PCDHA10: variants seen among roughly 807,000 people sequenced by gnomAD.
PCDHA10 encodes protocadherin alpha 10, also known as protocadherin alpha-10.
PCDHA10 carries 45 observed loss-of-function variants against 61.2 expected under a neutral mutation model. That is an observed-to-expected ratio of 0.74 (90% CI 0.58 to 0.94). The LOEUF is 0.94. PCDHA10 is among the 40% of genes least tolerant of loss of function. The probability of loss-of-function intolerance (pLI) is 0.00; values close to 1 mark genes in which losing one functional copy is unlikely to be tolerated. For missense variants in PCDHA10, 1,278 were observed against 1,236.2 expected, an observed-to-expected ratio of 1.03 and a Z score of -0.51; for synonymous variants, 602 against 548.8, an observed-to-expected ratio of 1.10 and a Z score of -1.35.
rs1417352469 is a variant in PCDHA10 at position 140,875,131 on chromosome 5, G to A, written c.2388+16695G>A. ...AATATCATGTATATTAACTAAACCC[G>A]CATTTATAAATGATCCGTGAAAAAT... On this transcript the variant is annotated intron_variant, in intron 1 of 3. Coordinates refer to ENST00000307360, the MANE Select transcript of PCDHA10 (RefSeq NM_018901.4). Among the ~76,000 whole-genome samples, 5 of 152,228 alleles carry A rather than the reference G, an allele frequency of 3.3e-5. No individual in the cohort carries two copies. The East Asian group carries it at 9.6e-4, about 29-fold the overall frequency.
chr5:140,968,818 T>A, intron 1 of PCDHA10: 1 of 1,614,188 alleles, frequency 6.2e-7, no homozygotes, highest in South Asian at 1.1e-5. Context: ...TGGATAGGGT[T>A]TCCAAAATCC....
intron 3 of PCDHA10, among the ~76,000 whole-genome samples, chr5:141,003,288 T>C (rs2098118136): frequency 2.0e-5 from 3 of 152,182 alleles, no homozygotes; most frequent in African/African-American, 7.2e-5. Context: ...AATTGGATTA[T>C]AGGATTACAT....
At chr5:140,992,605 A>C (rs2097521923) in intron 3 of PCDHA10, among the ~76,000 whole-genome samples, 1 of 152,166 alleles carries the variant, frequency 6.6e-6, no homozygotes, top group South Asian at 2.1e-4. Flanking sequence ...TCTGTGTCTA[A>C]GTGAAAGCAG....
In PCDHA10 at chr5:140,857,430, T is replaced by A; in HGVS notation, c.1382T>A (p.Val461Glu). ...APAFAQSEYT[V>E]FVKENNPPGC... is the part of the protein sequence containing the mutation. The stretch of plus-strand genomic sequence containing the variant: ...GCGTTCGCGCAGTCCGAGTACACGG[T>A]GTTCGTGAAGGAGAACAACCCGCCA... Residue 461 changes from valine to glutamate, a missense_variant, in exon 1 of 4, where the codon GTG becomes GAG. Val to Glu is a moderately radical substitution (Grantham distance 121). Transcript: ENST00000307360. 2 of 1,598,338 alleles carry A rather than the reference T, an allele frequency of 1.3e-6. No individual in the cohort carries two copies. Among genetic ancestry groups the A allele is most frequent in the African/African-American group, 2.7e-5 (2 of 74,440 alleles).
At chr5:140,867,366 T>C (rs1478062885) in intron 1 of PCDHA10, 2 of 152,156 alleles carry the variant, frequency 1.3e-5, no homozygotes, top group African/African-American at 4.8e-5. Flanking sequence ...ATTTTACAGA[T>C]GCGTAATGGA....
chr5:140,981,944 G>A (rs893119825), intron 2 of PCDHA10, among the ~76,000 whole-genome samples: 2 of 152,174 alleles, frequency 1.3e-5, no homozygotes, highest in Non-Finnish European at 2.9e-5. Flanking sequence ...GAAATATAGG[G>A]TGGGTCATCT....
chr5:140,858,481 T>C (rs782180300), intron 1 of PCDHA10, 45 bp downstream of exon 1: 5 of 1,507,736 alleles, frequency 3.3e-6, no homozygotes, highest in Non-Finnish European at 4.5e-6. Flanking sequence ...TTATGAATAA[T>C]ATTTTCTCTT....
chr5:140,884,423 AC>A, intron 1 of PCDHA10: 3 of 1,613,932 alleles, frequency 1.9e-6, no homozygotes, highest in Non-Finnish European at 2.5e-6. Flanking sequence ...GCTGCTGTAT[AC>A]TGCGCTGCGG....
intron 1 of PCDHA10, among the ~76,000 whole-genome samples, chr5:140,934,801 A>G (rs1470129792): frequency 1.3e-5 from 2 of 152,194 alleles, no homozygotes; most frequent in Non-Finnish European, 2.9e-5. Flanking sequence ...TATCTTTTTA[A>G]TGATCAAATT....
chr5:140,968,121 T>C (rs1554230356), intron 1 of PCDHA10: 2 of 1,614,180 alleles, frequency 1.2e-6, no homozygotes, highest in Non-Finnish European at 1.7e-6. Flanking sequence ...CTCACATCCC[T>C]GCGTACACTG....
At position 140,857,724 on chromosome 5, in the gene PCDHA10, A is replaced by C; in HGVS notation, c.1676A>C (p.Asp559Ala). 1 of 1,597,434 alleles carries C rather than the reference A, an allele frequency of 6.3e-7. No homozygotes were observed. ...CAGGTGTTCGTGCTGGACGAGAACG[A>C]CAACGCTCCCGCGCTGCTGGCGTCT... ...TLQVFVLDEN[D>A]NAPALLASPA... is the part of the protein sequence containing the mutation. Residue 559 changes from aspartate to alanine, a missense_variant, in exon 1 of 4, where the codon GAC becomes GCC. Coordinates refer to ENST00000307360, the MANE Select transcript of PCDHA10 (RefSeq NM_018901.4).
chr5:140,958,775 A>C (rs1179723793), intron 1 of PCDHA10, among the ~76,000 whole-genome samples: 1 of 152,170 alleles, frequency 6.6e-6, no homozygotes, highest in African/African-American at 2.4e-5. Flanking sequence ...GTTTGAAATC[A>C]ACTTTCTATT....
In PCDHA10 at chr5:140,858,025, G is replaced by C. The variant is rs992119806; in HGVS notation, c.1977G>C (p.Thr659=). 1.9e-6 allele frequency: 3 copies of C among 1,596,952 alleles called. No individual in the cohort carries two copies. Among genetic ancestry groups the C allele is most frequent in the Non-Finnish European group, 2.6e-6 (3 of 1,167,172 alleles). The change falls in exon 1 of 4, where the codon ACG becomes ACC. Residue 659 remains threonine, a synonymous_variant. Coordinates refer to ENST00000307360, the MANE Select transcript of PCDHA10 (RefSeq NM_018901.4). ...AGGACCATGGCGAGCCGTCGCTGAC[G>C]GCCACGGCCACTGTGCTTGTGTCGC... ...LVKDHGEPSL[T]ATATVLVSLV... is the part of the protein sequence containing the mutation.
intron 1 of PCDHA10, among the ~76,000 whole-genome samples, chr5:140,964,342 C>T (rs2095825714): frequency 6.6e-6 from 1 of 152,184 alleles, no homozygotes; most frequent in Non-Finnish European, 1.5e-5. Context: ...TGGCAGGTGT[C>T]CTTGCTGGAA....
intron 1 of PCDHA10, chr5:140,882,591 T>C (rs781883775): frequency 1.2e-6 from 2 of 1,614,116 alleles, no homozygotes; most frequent in South Asian, 2.2e-5. Flanking sequence ...CACCTGGAGG[T>C]GATCGTGGAC....
rs546348432 is a variant in PCDHA10, at chr5:141,012,203, T to G, written c.*2266T>G. ...TTATAATGTATCTGTACAGCACTTTTTACATTTGCGAAGTGCTTTCCAATC... is the reference window on the plus strand; with the variant it reads ...TTATAATGTATCTGTACAGCACTTTGTACATTTGCGAAGTGCTTTCCAATC... On this transcript the variant is annotated 3_prime_UTR_variant, in exon 4 of 4. Transcript: ENST00000307360. 2.0e-5 allele frequency: 3 copies of G among 153,792 alleles called. No individual in the cohort carries two copies. The highest frequency in any genetic ancestry group is 4.4e-5 in the Non-Finnish European group (3 of 68,050). The allele number at this position is 153,792 out of a possible 1,614,324, so 9.5% of individuals were successfully genotyped here.
At chr5:140,859,508 T>A (rs1298997050) in intron 1 of PCDHA10, 1 of 197,594 alleles carries the variant, frequency 5.1e-6, no homozygotes, top group Non-Finnish European at 1.0e-5. Flanking sequence ...CTGATACCCA[T>A]GATTTCATTT....
At position 141,012,023 on chromosome 5, in the gene PCDHA10, C is replaced by T. The variant is rs1174206729; in HGVS notation, c.*2086C>T. On this transcript the variant is annotated 3_prime_UTR_variant, in exon 4 of 4. Coordinates refer to ENST00000307360, the MANE Select transcript of PCDHA10 (RefSeq NM_018901.4). ...TATTTTGAAGGGTGTGTAACTTCAGCTCTGCAGGATTGCATGGGGTAAAAC... is the reference window on the plus strand; with the variant it reads ...TATTTTGAAGGGTGTGTAACTTCAGTTCTGCAGGATTGCATGGGGTAAAAC... The T allele has an allele frequency of 6.5e-6, 1 of 153,700 alleles. No individual in the cohort carries two copies. The highest frequency in any genetic ancestry group is 1.5e-5 in the Non-Finnish European group (1 of 68,026). The allele number at this position is 153,700 out of a possible 1,614,324, so 9.5% of individuals were successfully genotyped here.
chr5:141,004,163 G>A (rs374407159), intron 3 of PCDHA10, among the ~76,000 whole-genome samples: 3 of 152,234 alleles, frequency 2.0e-5, no homozygotes, highest in African/African-American at 7.2e-5. Context: ...TATAGGCAAA[G>A]CCAGCCAAGT....
Sources: gnomAD v4.1 joint callset for allele counts (sites outside exome capture counted in the v4.1 genomes callset) on GRCh38, gnomAD v4.1.1 for gene constraint, MANE v1.5 for transcripts, NCBI Gene and HGNC (gene_info 2026-07-23, HGNC 2026-07-21) for gene names.